The following AP3D1 variants were observed in gnomAD, a reference collection of about 807,000 sequenced individuals.
AP3D1 encodes adaptor related protein complex 3 subunit delta 1, also known as AP-3 complex subunit delta-1.
In AP3D1, 51 loss-of-function variants were observed where a neutral mutation model predicts 147.6. The observed-to-expected ratio is 0.35, with a 90% CI of 0.28 to 0.44. The LOEUF (loss-of-function observed/expected upper bound fraction) is 0.44, where lower values mean the gene tolerates loss of function less well. Among genes scored for constraint, AP3D1 ranks in the 20% least tolerant of loss-of-function variants. The probability of loss-of-function intolerance (pLI) is 1.00; values close to 1 mark genes in which losing one functional copy is unlikely to be tolerated. For missense variants in AP3D1, 1,421 were observed against 1,624.2 expected, an observed-to-expected ratio of 0.87 and a Z score of 2.15; for synonymous variants, 760 against 663.0, an observed-to-expected ratio of 1.15 and a Z score of -2.25.
Position 2,130,495 on chromosome 19 carries a change from T to C in AP3D1, c.505A>G (p.Ile169Val). The C allele has an allele frequency of 6.2e-7, 1 of 1,614,084 alleles. No individual in the cohort carries two copies. Residue 169 changes from isoleucine (I) to valine (V), a missense_variant, in exon 6 of 32, where the codon ATC (isoleucine) becomes GTC (valine). Ile to Val is a conservative substitution (Grantham distance 29, BLOSUM62 3). Transcript: ENST00000643116. Reference sequence around the variant, plus strand: ...TACTTCAGGAACACCTTGTACATGATCAGCACAGCCTTCTTCCTGATGTAG... The same window carrying C: ...TACTTCAGGAACACCTTGTACATGACCAGCACAGCCTTCTTCCTGATGTAG... ...KPYIRKKAVLIMYKVFLKYPE... is the reference protein window; with the variant it reads ...KPYIRKKAVLVMYKVFLKYPE...
intron 29 of AP3D1, chr19:2,109,639 C>A (rs2018209679): frequency 1.8e-6 from 1 of 554,662 alleles, no homozygotes; most frequent in Non-Finnish European, 3.2e-6. Context: ...GCCTTCAGGA[C>A]TTCCAGGGGC....
At chr19:2,130,595 C>T in intron 5 of AP3D1, 58 bp from the exon 6 acceptor site, 1 of 1,600,216 alleles carries the variant, frequency 6.2e-7, no homozygotes, top group Non-Finnish European at 8.5e-7. Flanking sequence ...CCTGCTCTCG[C>T]CCCTCCCAGC....
At chr19:2,135,315 C>G (rs147528508) in intron 4 of AP3D1, among the ~76,000 whole-genome samples, 323 of 152,248 alleles carry the variant, frequency 2.1e-3, no homozygotes, top group Admixed American at 3.1e-3. Context: ...GCGGGCAGAT[C>G]ACTTGAGGCT....
At chr19:2,106,844 G>T (rs2018124357) in intron 31 of AP3D1, among the ~76,000 whole-genome samples, 2 of 152,194 alleles carry the variant, frequency 1.3e-5, no homozygotes, top group South Asian at 4.1e-4. Flanking sequence ...GAGGTCCCTA[G>T]AGCCATCAGA....
At chr19:2,102,336 G>C in intron 31 of AP3D1, 68 bp from the exon 32 acceptor site, 1 of 1,403,040 alleles carries the variant, frequency 7.1e-7, no homozygotes, top group Non-Finnish European at 1.0e-6. Flanking sequence ...GCTCAAGTCT[G>C]TGATCCCAGC....
intron 1 of AP3D1, among the ~76,000 whole-genome samples, chr19:2,148,437 T>C (rs1180622235): frequency 1.3e-5 from 2 of 152,266 alleles, no homozygotes; most frequent in Admixed American, 1.3e-4. Flanking sequence ...GGTTACTGTA[T>C]GTGCCTGCAC....
At chr19:2,122,280 T>C (rs1315344099) in intron 11 of AP3D1, among the ~76,000 whole-genome samples, 1 of 152,196 alleles carries the variant, frequency 6.6e-6, no homozygotes, top group Non-Finnish European at 1.5e-5. Flanking sequence ...TTCACCCGAC[T>C]AGCCCAAACC....
At chr19:2,123,903 A>G (rs757332060) in intron 9 of AP3D1, 24 bp from the exon 10 acceptor site, 2 of 1,564,364 alleles carry the variant, frequency 1.3e-6, no homozygotes, top group African/African-American at 2.7e-5. Flanking sequence ...CTTGGTCAGC[A>G]CCACGGTCAG....
At chr19:2,109,307 A>G in intron 29 of AP3D1, 100 bp from the exon 30 acceptor site, 1 of 1,439,966 alleles carries the variant, frequency 6.9e-7, no homozygotes, top group Non-Finnish European at 9.2e-7. Flanking sequence ...GCGCTTGGAC[A>G]CCCTCCTGTG....
chr19:2,134,555 T>C lies in AP3D1; in HGVS notation c.355-1977A>G, dbSNP rs574467042. Among the ~76,000 whole-genome samples the C allele has an allele frequency of 2.0e-5, 3 of 148,906 alleles. No homozygotes were observed. In the East Asian group the frequency reaches 5.9e-4, roughly 29 times the overall value. On this transcript the variant is annotated intron_variant, in intron 4 of 31. Coordinates refer to ENST00000643116, the MANE Select transcript of AP3D1 (RefSeq NM_001261826.3). ...TTCAAGACTAGCCTGACCAACATGG[T>C]GAAATCCTGTCTGTACTAAAAATAC...
At chr19:2,135,114 T>C (rs938310698) in intron 4 of AP3D1, among the ~76,000 whole-genome samples, 5 of 151,950 alleles carry the variant, frequency 3.3e-5, no homozygotes, top group East Asian at 1.9e-4. Context: ...CGCAGGAGAA[T>C]TGCTTGAACC....
At chr19:2,127,240 G>A (rs1379164025) in intron 8 of AP3D1, 39 bp from the exon 9 acceptor site, 1 of 1,607,320 alleles carries the variant, frequency 6.2e-7, no homozygotes, top group African/African-American at 1.3e-5. Flanking sequence ...TGAGGACTGG[G>A]GGCCTCGTCA....
intron 21 of AP3D1, 59 bp downstream of exon 21, chr19:2,114,689 G>A (rs1295156023): frequency 1.0e-5 from 15 of 1,447,856 alleles, no homozygotes; most frequent in South Asian, 9.2e-5. Context: ...GGGAGGACGA[G>A]AGGAAGGGAA....
At chr19:2,113,181 G>A in intron 23 of AP3D1, 155 bp downstream of exon 23, 1 of 629,416 alleles carries the variant, frequency 1.6e-6, no homozygotes, top group Non-Finnish European at 2.8e-6. Context: ...GGACCCGGGA[G>A]CATGACCCCG....
At chr19:2,128,211 G>A (rs1024061067) in intron 8 of AP3D1, among the ~76,000 whole-genome samples, 1 of 152,110 alleles carries the variant, frequency 6.6e-6, no homozygotes, top group African/African-American at 2.4e-5. Context: ...GCAACCAAAG[G>A]CAGCCTGGCC....
chr19:2,119,257 A>C (rs1456809750), intron 14 of AP3D1, among the ~76,000 whole-genome samples: 1 of 152,172 alleles, frequency 6.6e-6, no homozygotes, highest in Non-Finnish European at 1.5e-5. Flanking sequence ...CTTTTTTCCC[A>C]ATAAGAAAAT....
At chr19:2,113,198 C>T (rs2018336862) in intron 23 of AP3D1, 138 bp downstream of exon 23, 1 of 643,334 alleles carries the variant, frequency 1.6e-6, no homozygotes, top group Non-Finnish European at 2.7e-6. Flanking sequence ...CCCGGCTCCA[C>T]TCAGTGCTGG....
intron 23 of AP3D1, 141 bp from the exon 24 acceptor site, chr19:2,113,108 G>A: frequency 1.5e-6 from 1 of 657,198 alleles, no homozygotes; most frequent in African/African-American, 1.8e-5. Context: ...GAGTGACAGG[G>A]AGCCTGTGAG....
intron 1 of AP3D1, among the ~76,000 whole-genome samples, chr19:2,144,829 G>T (rs1462796127): frequency 6.6e-6 from 1 of 152,126 alleles, no homozygotes; most frequent in Non-Finnish European, 1.5e-5. Flanking sequence ...CTTGAACCTG[G>T]GAGGAAGAGG....
Sources: gnomAD v4.1 joint callset for allele counts (sites outside exome capture counted in the v4.1 genomes callset) on GRCh38, gnomAD v4.1.1 for gene constraint, MANE v1.5 for transcripts, NCBI Gene and HGNC (gene_info 2026-07-23, HGNC 2026-07-21) for gene names.